The following SPAG16 variants were observed in gnomAD, a reference collection of about 807,000 sequenced individuals.
SPAG16 encodes sperm associated antigen 16.
SPAG16 carries 86 observed loss-of-function variants against 80.4 expected under a neutral mutation model. The observed-to-expected ratio is 1.07, with a 90% CI of 0.90 to 1.28. The LOEUF is 1.28. Ranked by LOEUF, SPAG16 falls within the 50% of genes most tolerant of loss-of-function variation. SPAG16 has a pLI of 0.00. For synonymous variants in SPAG16, 294 were observed against 265.9 expected, an observed-to-expected ratio of 1.11 and a Z score of -1.03; for missense variants, 870 against 765.3, an observed-to-expected ratio of 1.14 and a Z score of -1.61.
chr2:214,175,853 A>T (rs936279219), intron 15 of SPAG16, among the ~76,000 whole-genome samples: 5 of 151,368 alleles, frequency 3.3e-5, no homozygotes, highest in African/African-American at 1.2e-4. Flanking sequence ...ATCCTTCAGT[A>T]GTTAAGTTTC....
chr2:213,385,183 G>A (rs1053058911), intron 9 of SPAG16, among the ~76,000 whole-genome samples: 9 of 152,108 alleles, frequency 5.9e-5, no homozygotes, highest in Non-Finnish European at 4.4e-5. Flanking sequence ...CTTTTATGGT[G>A]TATCCACTCT....
chr2:214,344,115 A>G (rs919997423), intron 15 of SPAG16, among the ~76,000 whole-genome samples: 2 of 152,204 alleles, frequency 1.3e-5, no homozygotes, highest in African/African-American at 4.8e-5. Flanking sequence ...ATGCTGTTCT[A>G]TATTCAAGAG....
chr2:213,671,220 A>G (rs553772483), intron 10 of SPAG16, among the ~76,000 whole-genome samples: 1 of 152,360 alleles, frequency 6.6e-6, no homozygotes, highest in Non-Finnish European at 1.5e-5. Context: ...GCTAAATAAA[A>G]TTTATAAATA....
At chr2:214,162,039 C>T (rs1054633154) in intron 15 of SPAG16, among the ~76,000 whole-genome samples, 3 of 151,768 alleles carry the variant, frequency 2.0e-5, no homozygotes, top group East Asian at 1.9e-4. Flanking sequence ...GTCTTTAATC[C>T]GAGGTGCAAG....
At chr2:213,322,067 G>T (rs1399745385) in intron 5 of SPAG16, among the ~76,000 whole-genome samples, 1 of 147,860 alleles carries the variant, frequency 6.8e-6, no homozygotes, top group African/African-American at 2.5e-5. Flanking sequence ...AAAACTTAAA[G>T]TATAATAAAA....
chr2:214,050,738 G>A (rs2049599973), intron 13 of SPAG16, among the ~76,000 whole-genome samples: 1 of 152,004 alleles, frequency 6.6e-6, no homozygotes, highest in African/African-American at 2.4e-5. Context: ...GTGTCCATAG[G>A]TTCCCCATCC....
chr2:213,403,866 A>T (rs557524799), intron 9 of SPAG16, among the ~76,000 whole-genome samples: 1 of 152,208 alleles, frequency 6.6e-6, no homozygotes, highest in Non-Finnish European at 1.5e-5. Context: ...AAGTCTCAGG[A>T]TACAAAATCA....
chr2:213,297,491 T>G (rs893505670), intron 3 of SPAG16, 134 bp downstream of exon 3: 1 of 523,904 alleles, frequency 1.9e-6, no homozygotes, highest in Non-Finnish European at 3.4e-6. Flanking sequence ...TGTTTATTTG[T>G]GATCAAGCCT....
intron 15 of SPAG16, among the ~76,000 whole-genome samples, chr2:214,190,475 A>G (rs1295617137): frequency 1.3e-5 from 2 of 152,186 alleles, no homozygotes; most frequent in Non-Finnish European, 2.9e-5. Flanking sequence ...AATGGCTACA[A>G]AGACTATTAT....
chr2:214,259,427 G>A (rs1690956393), intron 15 of SPAG16, among the ~76,000 whole-genome samples: 1 of 144,826 alleles, frequency 6.9e-6, no homozygotes, highest in Non-Finnish European at 1.5e-5. Flanking sequence ...ATATGTGTGT[G>A]TATATATACA....
intron 9 of SPAG16, among the ~76,000 whole-genome samples, chr2:213,454,398 A>G (rs562434466): frequency 3.9e-5 from 6 of 152,308 alleles, no homozygotes; most frequent in African/African-American, 9.6e-5. Flanking sequence ...ATAGGATAAT[A>G]ACAAGATTAT....
intron 3 of SPAG16, among the ~76,000 whole-genome samples, chr2:213,297,920 A>T (rs967552303): frequency 2.0e-4 from 30 of 152,168 alleles, no homozygotes; most frequent in Admixed American, 2.0e-3. Flanking sequence ...AAATATTTTT[A>T]AAAATGTTTT....
intron 10 of SPAG16, among the ~76,000 whole-genome samples, chr2:213,664,346 T>C (rs2063527839): frequency 6.6e-6 from 1 of 152,108 alleles, no homozygotes. Flanking sequence ...GTGAACATCA[T>C]TTTGGGGACA....
chr2:213,741,763 G>A (rs1465904558), intron 10 of SPAG16, among the ~76,000 whole-genome samples: 1 of 152,032 alleles, frequency 6.6e-6, no homozygotes, highest in Non-Finnish European at 1.5e-5. Flanking sequence ...TGTAAATTCA[G>A]CTTTATAAAT....
chr2:214,353,021 T>G (rs979558958), intron 15 of SPAG16, among the ~76,000 whole-genome samples: 2 of 152,118 alleles, frequency 1.3e-5, no homozygotes, highest in Non-Finnish European at 2.9e-5. Flanking sequence ...ATAAATGCTT[T>G]AATACATTGA....
rs138396852 is a variant in SPAG16 at position 213,524,094 on chromosome 2, G to A, written c.1070+34004G>A. Among the ~76,000 whole-genome samples the A allele has an allele frequency of 8.4e-3, 1,286 of 152,226 alleles. 25 individuals are homozygous for A. The highest frequency in any genetic ancestry group is 0.03 in the African/African-American group (1,237 of 41,514). On this transcript the variant is annotated intron_variant, in intron 10 of 15. Transcript: ENST00000331683. ...AATTGTTTTGTGGGCTGGGACCAGG[G>A]CCCCCTTGCTGTGTGCAGCCTAGGG... is the stretch of plus-strand genomic sequence containing the variant.
chr2:214,310,904 T>G (rs1377248549), intron 15 of SPAG16, among the ~76,000 whole-genome samples: 1 of 152,194 alleles, frequency 6.6e-6, no homozygotes, highest in East Asian at 1.9e-4. Flanking sequence ...ATGCTGCCAC[T>G]CTGTGTAGAA....
chr2:214,176,883 T>A (rs919984287), intron 15 of SPAG16, among the ~76,000 whole-genome samples: 1 of 151,130 alleles, frequency 6.6e-6, no homozygotes, highest in African/African-American at 2.4e-5. Context: ...ATCAATTTTT[T>A]AAAATTACAC....
At chr2:214,149,386 CATT>C in intron 15 of SPAG16, 120 bp downstream of exon 15, 1 of 801,720 alleles carries the variant, frequency 1.2e-6, no homozygotes, top group South Asian at 2.6e-5. Context: ...CTTAATATTA[CATT>C]ATATTACATT....
Sources: gnomAD v4.1 joint callset for allele counts (sites outside exome capture counted in the v4.1 genomes callset) on GRCh38, gnomAD v4.1.1 for gene constraint, MANE v1.5 for transcripts, NCBI Gene and HGNC (gene_info 2026-07-23, HGNC 2026-07-21) for gene names.